The following TGFBR1 variants were observed in gnomAD, a reference collection of about 807,000 sequenced individuals.
TGFBR1 encodes TGF-beta receptor type-1.
Under a neutral mutation model 55.1 loss-of-function variants are expected in TGFBR1, and 20 were observed. That is an observed-to-expected ratio of 0.36 (90% CI 0.26 to 0.53). The LOEUF (loss-of-function observed/expected upper bound fraction) is 0.53. TGFBR1 is among the 20% of genes least tolerant of loss of function. The pLI, the probability that TGFBR1 is intolerant of heterozygous loss-of-function variation, is 0.91. For missense variants in TGFBR1, 385 were observed against 617.6 expected, an observed-to-expected ratio of 0.62 and a Z score of 3.99; for synonymous variants, 220 against 214.8, an observed-to-expected ratio of 1.02 and a Z score of -0.21.
At chr9:99,140,447 C>T (rs984598624) in intron 4 of TGFBR1, among the ~76,000 whole-genome samples, 1 of 151,834 alleles carries the variant, frequency 6.6e-6, no homozygotes, top group East Asian at 1.9e-4. Flanking sequence ...CACAGGGAGA[C>T]TCTGTCTCAA....
At chr9:99,123,077 T>G (rs372404533) in intron 1 of TGFBR1, among the ~76,000 whole-genome samples, 1 of 152,170 alleles carries the variant, frequency 6.6e-6, no homozygotes, top group Admixed American at 6.6e-5. Context: ...TGTCTCATTA[T>G]GTATATGCAA....
intron 6 of TGFBR1, 88 bp downstream of exon 6, chr9:99,144,976 A>C: frequency 2.7e-6 from 4 of 1,466,180 alleles, no homozygotes; most frequent in South Asian, 2.4e-5. Context: ...GCTGAAACTC[A>C]GCTTAAACTT....
chr9:99,128,640 TG>T lies in TGFBR1; in HGVS notation c.98-214del, dbSNP rs1209038124. On this transcript the variant is annotated intron_variant, in intron 1 of 8. Transcript: ENST00000374994. ...CAGGAAAAAACCTGGGTCCAAATGT[TG>T]CTACATTTCCTTGGGCTTCCACGTG... 5.7e-6 allele frequency: 4 copies of T among 705,500 alleles called. No homozygotes were observed. In the East Asian group the frequency reaches 1.2e-4, roughly 21 times the overall value. 43.7% of individuals were successfully genotyped at this position (705,500 alleles called of 1,614,324 possible).
At chr9:99,113,660 T>A (rs550245091) in intron 1 of TGFBR1, among the ~76,000 whole-genome samples, 2 of 152,276 alleles carry the variant, frequency 1.3e-5, no homozygotes, top group South Asian at 4.1e-4. Context: ...ACTTAGTACA[T>A]AGCCTGACAC....
Position 99,132,566 on chromosome 9 carries a change from T to C in TGFBR1, c.401T>C (p.Val134Ala), listed in dbSNP as rs1363842132. The C allele has an allele frequency of 6.2e-7, 1 of 1,614,200 alleles. No homozygotes were observed. The highest frequency in any genetic ancestry group is 8.5e-7 in the Non-Finnish European group (1 of 1,180,018). ...VELAAVIAGP[V>A]CFVCISLMLM... ...CTGGCAGCTGTCATTGCTGGACCAG[T>C]GTGCTTCGTCTGCATCTCACTCATG... is the stretch of plus-strand genomic sequence containing the variant. The change falls in exon 3 of 9, where the codon GTG becomes GCG. Residue 134 changes from valine (V) to alanine (A), a missense_variant. Coordinates refer to ENST00000374994, the MANE Select transcript of TGFBR1 (RefSeq NM_004612.4).
chr9:99,129,706 C>T (rs183134029), intron 2 of TGFBR1, among the ~76,000 whole-genome samples: 4 of 152,270 alleles, frequency 2.6e-5, no homozygotes, highest in Admixed American at 2.6e-4. Context: ...TCAAGACCAG[C>T]CTGGCCAACA....
At chr9:99,108,838 A>G (rs1403568818) in intron 1 of TGFBR1, among the ~76,000 whole-genome samples, 1 of 152,208 alleles carries the variant, frequency 6.6e-6, no homozygotes, top group African/African-American at 2.4e-5. Context: ...AAAAGTAATC[A>G]AAGTGGAATG....
intron 4 of TGFBR1, among the ~76,000 whole-genome samples, chr9:99,141,885 C>G (rs1297339210): frequency 6.6e-6 from 1 of 152,234 alleles, no homozygotes; most frequent in African/African-American, 2.4e-5. Flanking sequence ...TTAGTCCCAG[C>G]TTTTCCAGTT....
chr9:99,136,352 T>C (rs1402927575), intron 3 of TGFBR1, among the ~76,000 whole-genome samples: 1 of 152,230 alleles, frequency 6.6e-6, no homozygotes, highest in East Asian at 1.9e-4. Flanking sequence ...TCAGGTGTTT[T>C]CAGAATTTGT....
intron 7 of TGFBR1, 56 bp from the exon 8 acceptor site, chr9:99,147,598 C>T: frequency 2.0e-6 from 3 of 1,536,038 alleles, no homozygotes; most frequent in East Asian, 2.3e-5. Context: ...TCTTTTAATG[C>T]CTTGGCATTA....
intron 1 of TGFBR1, among the ~76,000 whole-genome samples, chr9:99,125,812 C>T (rs1185679682): frequency 6.6e-6 from 1 of 152,180 alleles, no homozygotes; most frequent in East Asian, 1.9e-4. Context: ...TTGTACCCAA[C>T]TTATACATCC....
At position 99,153,985 on chromosome 9, in the gene TGFBR1, A is replaced by G. The variant is rs1426967785; in HGVS notation, c.*4680A>G. The G allele has an allele frequency of 4.6e-6, 1 of 215,944 alleles. No homozygotes were observed. Among genetic ancestry groups the G allele is most frequent in the African/African-American group, 2.3e-5 (1 of 44,344 alleles). 13.4% of individuals were successfully genotyped at this position (215,944 alleles called of 1,614,324 possible). On this transcript the variant is annotated 3_prime_UTR_variant, in exon 9 of 9. Transcript: ENST00000374994. ...AAACTTGGCTTACAAGAGAACTGGA[A>G]AAATGATGAGATGTGGTCCCCAAAC...
chr9:99,151,720 T>G lies in TGFBR1; in HGVS notation c.*2415T>G, dbSNP rs140497381. ...TTAGTTCTAAATTGACTTTACGTAT[T>G]ACTGCAGTTAATTCCTTTTTTGGCT... is the stretch of plus-strand genomic sequence containing the variant. On this transcript the variant is annotated 3_prime_UTR_variant, in exon 9 of 9. Transcript: ENST00000374994. The G allele has an allele frequency of 1.0e-3, 224 of 222,950 alleles. No homozygotes were observed. The highest frequency in any genetic ancestry group is 4.6e-3 in the African/African-American group (208 of 44,896). The allele number at this position is 222,950 out of a possible 1,614,324, so 13.8% of individuals were successfully genotyped here.
At chr9:99,139,462 G>A (rs1252895583) in intron 4 of TGFBR1, among the ~76,000 whole-genome samples, 2 of 152,142 alleles carry the variant, frequency 1.3e-5, no homozygotes, top group Non-Finnish European at 2.9e-5. Context: ...GAAAAGCAGA[G>A]TAGTTACAGT....
At chr9:99,105,104 G>GGCC (rs1271583425), upstream of TGFBR1, 2 of 936,602 alleles carry the variant, frequency 2.1e-6, no homozygotes, top group Non-Finnish European at 2.6e-6. Context: ...GCCGGAGCGA[G>GGCC]GCCGCCGCGG....
chr9:99,118,473 A>AT (rs1249312833), intron 1 of TGFBR1, among the ~76,000 whole-genome samples: 3 of 151,958 alleles, frequency 2.0e-5, no homozygotes, highest in South Asian at 2.1e-4. Context: ...TTATTTCAGA[A>AT]TTTTTTTTAA....
At chr9:99,109,251 AG>A (rs1418832719) in intron 1 of TGFBR1, among the ~76,000 whole-genome samples, 2 of 152,202 alleles carry the variant, frequency 1.3e-5, no homozygotes, top group Non-Finnish European at 2.9e-5. Context: ...TGCTGATAAA[AG>A]GACCTGGTAT....
chr9:99,128,795 T>C (rs7044682), intron 1 of TGFBR1, 60 bp from the exon 2 acceptor site: 50 of 1,593,994 alleles, frequency 3.1e-5, no homozygotes, highest in African/African-American at 2.1e-4. Flanking sequence ...AGAGTGAATA[T>C]TGGATAATTT....
At chr9:99,130,456 T>C (rs543859469) in intron 2 of TGFBR1, among the ~76,000 whole-genome samples, 2 of 152,324 alleles carry the variant, frequency 1.3e-5, no homozygotes, top group South Asian at 4.1e-4. Flanking sequence ...GTGGTAAGGG[T>C]TGGTCGGACT....
Sources: gnomAD v4.1 joint callset for allele counts (sites outside exome capture counted in the v4.1 genomes callset) on GRCh38, gnomAD v4.1.1 for gene constraint, MANE v1.5 for transcripts, NCBI Gene and HGNC (gene_info 2026-07-23, HGNC 2026-07-21) for gene names.